TET3: variants seen among roughly 807,000 people sequenced by gnomAD.
TET3 encodes the protein tet methylcytosine dioxygenase 3, also known as methylcytosine dioxygenase TET3.
In TET3, 19 loss-of-function variants were observed where a neutral mutation model predicts 141.4. The ratio of observed to expected loss-of-function variants is 0.13; its 90% CI spans 0.09 to 0.20. The LOEUF is 0.20. Among genes scored for constraint, TET3 ranks in the 10% least tolerant of loss-of-function variants. The pLI, the probability that TET3 is intolerant of heterozygous loss-of-function variation, is 1.00. For synonymous variants in TET3, 1,043 were observed against 980.9 expected, an observed-to-expected ratio of 1.06 and a Z score of -1.18; for missense variants, 1,874 against 2,356.9, an observed-to-expected ratio of 0.80 and a Z score of 4.24.
chr2:74,134,475 A>C, the TET3 span: 1 of 294,308 alleles, frequency 3.4e-6, no homozygotes, highest in Admixed American at 4.1e-5. Context: ...TCTGGGGCCC[A>C]AGGTTGTTAT....
At chr2:74,028,274 C>G (rs1002410927) in intron 3 of TET3, among the ~76,000 whole-genome samples, 2 of 150,990 alleles carry the variant, frequency 1.3e-5, no homozygotes, top group Non-Finnish European at 2.9e-5. Flanking sequence ...TTTGAGTTAC[C>G]ATGCCTAGCC....
chr2:74,073,710 C>A lies in TET3; in HGVS notation c.2585+71C>A, dbSNP rs1421820844. On this transcript the variant is annotated intron_variant, in intron 5 of 11. Coordinates refer to ENST00000409262, the MANE Select transcript of TET3 (RefSeq NM_001287491.2). ...TGGAATACGGATATTAAGCGCCTCTCATTTTTCTTTGCCTTGTAACAGACA... is the reference window on the plus strand; with the variant it reads ...TGGAATACGGATATTAAGCGCCTCTAATTTTTCTTTGCCTTGTAACAGACA... 5 of 1,314,448 alleles carry A rather than the reference C, an allele frequency of 3.8e-6. No homozygotes were observed. The Admixed American group carries it at 1.2e-4, about 32-fold the overall frequency. The allele number at this position is 1,314,448 out of a possible 1,614,324, so 81.4% of individuals were successfully genotyped here.
At chr2:74,015,148 C>G (rs1396541513) in intron 3 of TET3, among the ~76,000 whole-genome samples, 1 of 152,104 alleles carries the variant, frequency 6.6e-6, no homozygotes, top group Non-Finnish European at 1.5e-5. Context: ...GGTGCAGTGC[C>G]TTGGGGGAAG....
chr2:74,003,065 C>T (rs1372048055), intron 2 of TET3, 45 bp from the exon 3 acceptor site: 1 of 1,550,060 alleles, frequency 6.5e-7, no homozygotes, highest in Non-Finnish European at 8.7e-7. Context: ...TTGCTGCCTT[C>T]CTGGTACCCG....
At chr2:73,998,944 G>A (rs974691041) in intron 2 of TET3, among the ~76,000 whole-genome samples, 25 of 152,198 alleles carry the variant, frequency 1.6e-4, no homozygotes, top group African/African-American at 6.0e-4. Context: ...AGTCATTCTG[G>A]TTGGGAATGC....
chr2:74,100,817 G>C lies in TET3; in HGVS notation c.4029G>C (p.Gln1343His). 1 of 1,612,758 alleles carries C rather than the reference G, an allele frequency of 6.2e-7. No individual in the cohort carries two copies. The highest frequency in any genetic ancestry group is 8.5e-7 in the Non-Finnish European group (1 of 1,179,500). Residue 1343 changes from glutamine to histidine, a missense_variant, in exon 12 of 12, where the codon CAG becomes CAC. By Grantham distance (24) the Gln-to-His change is conservative. This residue lies in a region of TET3 where 602 missense variants were observed against 590.2 expected (regional missense o/e 1.02). Coordinates refer to ENST00000409262, the MANE Select transcript of TET3 (RefSeq NM_001287491.2). ...GGAEFAELPSQAVPTDAHHPT... is the reference protein window; with the variant it reads ...GGAEFAELPSHAVPTDAHHPT... ...CTGAGTTTGCCGAGCTGCCCAGCCA[G>C]GCTGTTCCCACAGACGCCCACCACC...
At chr2:73,986,774 C>A in intron 2 of TET3, 68 bp downstream of exon 2, 1 of 1,212,308 alleles carries the variant, frequency 8.2e-7, no homozygotes, top group Non-Finnish European at 1.0e-6. Context: ...GGGTCTTGTT[C>A]AAGCAAGGCT....
Position 74,101,130 on chromosome 2 carries a change from A to G in TET3, c.4342A>G (p.Arg1448Gly). 2.5e-6 allele frequency: 4 copies of G among 1,613,760 alleles called. No homozygotes were observed. The highest frequency in any genetic ancestry group is 2.5e-6 in the Non-Finnish European group (3 of 1,179,806). ...YSGGPSMSPK[R>G]TNGVGGSWGV... is the part of the protein sequence containing the mutation. ...AGGAGGCCCAAGCATGTCCCCCAAG[A>G]GGACTAACGGTGTGGGTGGCAGCTG... Residue 1448 changes from arginine (R) to glycine (G), a missense_variant, in exon 12 of 12, where the codon AGG (arginine) becomes GGG (glycine). Arg to Gly is a moderately radical substitution (Grantham distance 125). Around this residue, in one of 10 missense-constraint regions of TET3, gnomAD observed 602 missense variants for 590.2 expected, o/e 1.02. Coordinates refer to ENST00000409262, the MANE Select transcript of TET3 (RefSeq NM_001287491.2). The surrounding 1 kb of genome is among the most constrained non-coding windows in gnomAD (Gnocchi z 8.5).
chr2:73,985,729 C>T (rs887870246), intron 1 of TET3, among the ~76,000 whole-genome samples: 2 of 152,004 alleles, frequency 1.3e-5, no homozygotes, highest in African/African-American at 4.8e-5. Flanking sequence ...GGGAAGAGGG[C>T]AACTTTCTTA....
At chr2:74,055,327 T>G (rs757680898) in intron 4 of TET3, among the ~76,000 whole-genome samples, 3 of 152,214 alleles carry the variant, frequency 2.0e-5, no homozygotes, top group Non-Finnish European at 4.4e-5. Flanking sequence ...TCAAATGGGT[T>G]TAGGAATGAT....
chr2:74,047,426 A>T lies in TET3; in HGVS notation c.1509A>T (p.Pro503=), dbSNP rs1014548507. ...CCTCTTCCTCCCCGGCCCCGGCCCC[A>T]TCCCCTGTACTTCAGAGGGAGGCTC... The part of the protein sequence containing the change: ...EAPSSSPAPA[P]SPVLQREAPT... Residue 503 remains proline (P), a synonymous_variant, in exon 4 of 12, where the codon CCA becomes CCT. Transcript: ENST00000409262. 1.9e-6 allele frequency: 3 copies of T among 1,612,624 alleles called. No individual in the cohort carries two copies. The highest frequency in any genetic ancestry group is 2.5e-6 in the Non-Finnish European group (3 of 1,179,674).
intron 10 of TET3, among the ~76,000 whole-genome samples, chr2:74,098,028 A>C (rs552066581): frequency 6.6e-6 from 1 of 152,346 alleles, no homozygotes; most frequent in Non-Finnish European, 1.5e-5. Context: ...TGAGAAATGT[A>C]CACCAACAAC....
At chr2:74,070,684 A>G (rs1689157490) in intron 4 of TET3, among the ~76,000 whole-genome samples, 1 of 152,178 alleles carries the variant, frequency 6.6e-6, no homozygotes, top group African/African-American at 2.4e-5. Flanking sequence ...TATTTTAACA[A>G]AAATACCGGC....
rs367995628 is a variant in TET3, at chr2:74,102,455, C to T, written c.*279C>T. The T allele has an allele frequency of 1.2e-3, 352 of 298,094 alleles. No individual in the cohort carries two copies. Among genetic ancestry groups the T allele is most frequent in the African/African-American group, 6.9e-3 (322 of 46,374 alleles). 18.5% of individuals were successfully genotyped at this position (298,094 alleles called of 1,614,324 possible). On this transcript the variant is annotated 3_prime_UTR_variant, in exon 12 of 12. Coordinates refer to ENST00000409262, the MANE Select transcript of TET3 (RefSeq NM_001287491.2). ...ATTTATATCTCCAAGTTGTCCCCCC[C>T]CCTTGTCTGGGGGGTTTTTATTTTT...
downstream of TET3, among the ~76,000 whole-genome samples, chr2:74,113,034 A>C (rs1211019724): frequency 1.3e-5 from 2 of 148,768 alleles, no homozygotes; most frequent in East Asian, 3.9e-4. Context: ...AAAAAAAAAA[A>C]ACCCACAGTT....
chr2:74,026,499 T>G (rs1187059575), intron 3 of TET3, among the ~76,000 whole-genome samples: 2 of 152,054 alleles, frequency 1.3e-5, no homozygotes, highest in African/African-American at 4.8e-5. Context: ...CCTAAGGAGG[T>G]TCCAGAGTGG....
At chr2:74,095,727 A>G (rs184059238) in intron 10 of TET3, among the ~76,000 whole-genome samples, 7 of 152,318 alleles carry the variant, frequency 4.6e-5, no homozygotes, top group Admixed American at 2.6e-4. Flanking sequence ...CTCTGCCATC[A>G]TTTATTTAAC....
chr2:74,044,340 GGT>G (rs1687501689), intron 3 of TET3, among the ~76,000 whole-genome samples: 1 of 152,066 alleles, frequency 6.6e-6, no homozygotes, highest in Non-Finnish European at 1.5e-5. Context: ...CAAATGTGTA[GGT>G]TTTGTCTCAT....
At position 74,100,642 on chromosome 2, in the gene TET3, G is replaced by A; in HGVS notation, c.3854G>A (p.Ser1285Asn). 6.2e-7 allele frequency: 1 copy of A among 1,614,034 alleles called. No homozygotes were observed. Among genetic ancestry groups the A allele is most frequent in the Non-Finnish European group, 8.5e-7 (1 of 1,179,912 alleles). ...FHSKYALPSF[S>N]YYGFPSSNPV... ...TCCAAGTACGCTCTCCCGTCTTTTA[G>A]CTACTATGGCTTTCCATCCAGCAAC... The change falls in exon 12 of 12, where the codon AGC becomes AAC. Residue 1285 changes from serine to asparagine, a missense_variant. Coordinates refer to ENST00000409262, the MANE Select transcript of TET3 (RefSeq NM_001287491.2).
Sources: gnomAD v4.1 joint callset for allele counts (sites outside exome capture counted in the v4.1 genomes callset) on GRCh38, gnomAD v4.1.1 for gene constraint, gnomAD v4.1.1 regional missense constraint, Gnocchi (gnomAD v3.1) non-coding constraint, MANE v1.5 for transcripts, NCBI Gene and HGNC (gene_info 2026-07-23, HGNC 2026-07-21) for gene names.